The following PDE4D variants were observed in gnomAD, a reference collection of about 807,000 sequenced individuals.
The protein encoded by PDE4D is phosphodiesterase 4D, also known as 3',5'-cyclic-AMP phosphodiesterase 4D.
In PDE4D, 24 loss-of-function variants were observed where a neutral mutation model predicts 87.4. The ratio of observed to expected loss-of-function variants is 0.27; its 90% CI spans 0.20 to 0.39. The LOEUF (loss-of-function observed/expected upper bound fraction) is 0.39, where lower values mean the gene tolerates loss of function less well. Ranked by LOEUF, PDE4D falls within the 10% of genes least tolerant of loss-of-function variation. The probability of loss-of-function intolerance (pLI) is 1.00; values close to 1 mark genes in which losing one functional copy is unlikely to be tolerated. For synonymous variants in PDE4D, 384 were observed against 383.2 expected, an observed-to-expected ratio of 1.00 and a Z score of -0.02; for missense variants, 714 against 1,041.0, an observed-to-expected ratio of 0.69 and a Z score of 4.32.
chr5:59,081,743 T>G (rs919843343), intron 5 of PDE4D, among the ~76,000 whole-genome samples: 3 of 152,300 alleles, frequency 2.0e-5, no homozygotes, highest in African/African-American at 7.2e-5. Context: ...AATGGTCCTC[T>G]ATAGTATAAA....
At chr5:59,251,581 G>C (rs576192186) in intron 1 of PDE4D, among the ~76,000 whole-genome samples, 13 of 152,126 alleles carry the variant, frequency 8.5e-5, no homozygotes, top group African/African-American at 3.1e-4. Context: ...TTTGGTGGGA[G>C]TGTAAATTAG....
chr5:59,634,258 G>A (rs2150160043), intron 1 of PDE4D, among the ~76,000 whole-genome samples: 1 of 152,272 alleles, frequency 6.6e-6, no homozygotes, highest in Non-Finnish European at 1.5e-5. Flanking sequence ...GACCTACAAA[G>A]AGACTTAGAC....
intron 1 of PDE4D, among the ~76,000 whole-genome samples, chr5:60,430,540 T>TG (rs72530566): frequency 8.4e-6 from 1 of 118,988 alleles, no homozygotes; most frequent in African/African-American, 3.9e-5. Flanking sequence ...GTTTTGTTTT[T>TG]TTTTGTTTGT....
intron 3 of PDE4D, among the ~76,000 whole-genome samples, chr5:59,968,082 T>A (rs1289544634): frequency 6.9e-6 from 1 of 145,720 alleles, no homozygotes; most frequent in Non-Finnish European, 1.5e-5. Context: ...CCTCCTGGGT[T>A]CAAGCAATTC....
chr5:59,605,567 TC>T (rs1363762757), intron 1 of PDE4D, among the ~76,000 whole-genome samples: 2 of 152,116 alleles, frequency 1.3e-5, no homozygotes, highest in East Asian at 3.8e-4. Flanking sequence ...CTAAAATTGA[TC>T]TCATTTATCC....
chr5:60,331,096 G>A (rs1215952032), intron 1 of PDE4D, among the ~76,000 whole-genome samples: 1 of 152,184 alleles, frequency 6.6e-6, no homozygotes, highest in Non-Finnish European at 1.5e-5. Context: ...GCAAGGACCA[G>A]GCTAGGTTCT....
chr5:59,142,719 G>A (rs1250524080), intron 5 of PDE4D, among the ~76,000 whole-genome samples: 1 of 152,206 alleles, frequency 6.6e-6, no homozygotes, highest in African/African-American at 2.4e-5. Context: ...GGCGGATCAT[G>A]AGGTTAGGAG....
chr5:59,514,429 G>T (rs1041155635), intron 1 of PDE4D, among the ~76,000 whole-genome samples: 1 of 151,942 alleles, frequency 6.6e-6, no homozygotes, highest in Admixed American at 6.6e-5. Flanking sequence ...TAGAATCTCG[G>T]TCTACCACCT....
intron 1 of PDE4D, among the ~76,000 whole-genome samples, chr5:59,712,414 ATATATATAT>A (rs1754334150): frequency 6.9e-6 from 1 of 145,360 alleles, no homozygotes; most frequent in Admixed American, 6.9e-5. Flanking sequence ...ATATATATAT[ATATATATAT>A]ATATATTTAA....
chr5:59,715,896 C>G (rs1754948040), intron 1 of PDE4D, among the ~76,000 whole-genome samples: 1 of 152,204 alleles, frequency 6.6e-6, no homozygotes, highest in South Asian at 2.1e-4. Flanking sequence ...GCCTCTGGGT[C>G]TGGGGTTCCA....
intron 1 of PDE4D, among the ~76,000 whole-genome samples, chr5:59,676,647 G>GGT (rs1210867207): frequency 6.6e-6 from 1 of 152,040 alleles, no homozygotes; most frequent in East Asian, 1.9e-4. Context: ...TATACACTTA[G>GGT]GTACACATAT....
At chr5:60,151,903 T>A (rs1164579010) in intron 2 of PDE4D, among the ~76,000 whole-genome samples, 1 of 152,246 alleles carries the variant, frequency 6.6e-6, no homozygotes, top group Non-Finnish European at 1.5e-5. Flanking sequence ...CTCTATTATA[T>A]GTAGGTAAAT....
chr5:59,261,982 A>C (rs1009065504), intron 1 of PDE4D, among the ~76,000 whole-genome samples: 2 of 151,890 alleles, frequency 1.3e-5, no homozygotes, highest in African/African-American at 4.8e-5. Context: ...CTCCACCCCA[A>C]ATTCAAGTAG....
intron 1 of PDE4D, among the ~76,000 whole-genome samples, chr5:59,826,344 C>T (rs554487176): frequency 3.9e-5 from 6 of 152,270 alleles, no homozygotes; most frequent in Admixed American, 2.0e-4. Flanking sequence ...CCAAAATTTA[C>T]AGTAGAAGCT....
chr5:59,583,231 C>A (rs1824495689), intron 1 of PDE4D, among the ~76,000 whole-genome samples: 1 of 152,162 alleles, frequency 6.6e-6, no homozygotes, highest in Non-Finnish European at 1.5e-5. Flanking sequence ...GTTAGTCACA[C>A]TGTGTTAGGT....
At chr5:59,120,559 C>T (rs1774312759) in intron 5 of PDE4D, among the ~76,000 whole-genome samples, 1 of 149,544 alleles carries the variant, frequency 6.7e-6, no homozygotes, top group South Asian at 2.1e-4. Flanking sequence ...ACTTAGTGCC[C>T]AATTCTTTCT....
chr5:59,674,987 T>C (rs528832996), intron 1 of PDE4D, among the ~76,000 whole-genome samples: 15 of 152,334 alleles, frequency 9.8e-5, no homozygotes, highest in Non-Finnish European at 1.9e-4. Context: ...ACATGCGTCA[T>C]TATGAATCAC....
At chr5:59,535,953 CAT>C (rs1815135717) in intron 1 of PDE4D, among the ~76,000 whole-genome samples, 1 of 152,160 alleles carries the variant, frequency 6.6e-6, no homozygotes, top group African/African-American at 2.4e-5. Flanking sequence ...AAGATCAGCA[CAT>C]GTGTTGTCTT....
At chr5:59,209,581 A>T (rs1000091581) in intron 2 of PDE4D, among the ~76,000 whole-genome samples, 6 of 152,334 alleles carry the variant, frequency 3.9e-5, no homozygotes, top group African/African-American at 1.4e-4. Flanking sequence ...TCAATTTTTT[A>T]ATAACAGCAA....
Sources: gnomAD v4.1 joint callset for allele counts (sites outside exome capture counted in the v4.1 genomes callset) on GRCh38, gnomAD v4.1.1 for gene constraint, MANE v1.5 for transcripts, NCBI Gene and HGNC (gene_info 2026-07-23, HGNC 2026-07-21) for gene names.